The following FARS2 variants were observed in gnomAD, a reference collection of about 807,000 sequenced individuals.
The protein encoded by FARS2 is phenylalanine--tRNA ligase, mitochondrial.
In FARS2, 40 loss-of-function variants were observed where a neutral mutation model predicts 46.4. That is an observed-to-expected ratio of 0.86 (90% CI 0.67 to 1.12). FARS2 has a LOEUF of 1.12. Ranked by LOEUF, FARS2 falls within the 50% of genes most tolerant of loss-of-function variation. The probability of loss-of-function intolerance (pLI) is 0.00; values close to 1 mark genes in which losing one functional copy is unlikely to be tolerated. For synonymous variants in FARS2, 234 were observed against 214.9 expected, an observed-to-expected ratio of 1.09 and a Z score of -0.78; for missense variants, 513 against 567.9, an observed-to-expected ratio of 0.90 and a Z score of 0.98.
chr6:5,461,536 C>T (rs1409757038), intron 4 of FARS2, among the ~76,000 whole-genome samples: 1 of 152,160 alleles, frequency 6.6e-6, no homozygotes, highest in African/African-American at 2.4e-5. Context: ...TCCTGACTCT[C>T]TGCCAGCCCC....
At chr6:5,307,767 G>A (rs1178595605) in intron 1 of FARS2, among the ~76,000 whole-genome samples, 1 of 151,980 alleles carries the variant, frequency 6.6e-6, no homozygotes, top group Non-Finnish European at 1.5e-5. Flanking sequence ...TGAAGTTGTA[G>A]TGGTTAGAAA....
At chr6:5,264,296 C>T (rs921298706) in intron 1 of FARS2, among the ~76,000 whole-genome samples, 20 of 152,210 alleles carry the variant, frequency 1.3e-4, no homozygotes, top group Non-Finnish European at 2.5e-4. Context: ...TTCTATTCTA[C>T]ACCACACATG....
chr6:5,430,540 C>A (rs952583109), intron 3 of FARS2, among the ~76,000 whole-genome samples: 1 of 151,548 alleles, frequency 6.6e-6, no homozygotes, highest in Non-Finnish European at 1.5e-5. Flanking sequence ...TTTAATCTGA[C>A]TTTTTATTAG....
At chr6:5,686,559 T>G (rs1364308940) in intron 6 of FARS2, among the ~76,000 whole-genome samples, 1 of 152,242 alleles carries the variant, frequency 6.6e-6, no homozygotes, top group Non-Finnish European at 1.5e-5. Flanking sequence ...TGCATAGTAT[T>G]CCATGGTATA....
intron 1 of FARS2, among the ~76,000 whole-genome samples, chr6:5,269,921 T>C (rs985058004): frequency 6.6e-6 from 1 of 152,238 alleles, no homozygotes. Flanking sequence ...ATTTATTTTC[T>C]GAGCACAATT....
At chr6:5,655,131 G>A (rs1049013227) in intron 6 of FARS2, among the ~76,000 whole-genome samples, 4 of 152,176 alleles carry the variant, frequency 2.6e-5, no homozygotes, top group Non-Finnish European at 5.9e-5. Context: ...GACTGGGTGA[G>A]GGGTTGGTGG....
chr6:5,433,483 T>C (rs1176534711), intron 4 of FARS2, among the ~76,000 whole-genome samples: 1 of 152,236 alleles, frequency 6.6e-6, no homozygotes, highest in Admixed American at 6.5e-5. Flanking sequence ...ATTTGTTACC[T>C]CTTTGACCTG....
chr6:5,320,762 T>A (rs2127563588), intron 1 of FARS2, among the ~76,000 whole-genome samples: 1 of 152,330 alleles, frequency 6.6e-6, no homozygotes, highest in South Asian at 2.1e-4. Context: ...TGAGTGGCTT[T>A]TGAACAACAG....
chr6:5,491,621 C>T (rs6917076), intron 4 of FARS2, among the ~76,000 whole-genome samples: 7 of 152,298 alleles, frequency 4.6e-5, no homozygotes, highest in Admixed American at 2.0e-4. Context: ...AGTCCTTCCC[C>T]GAAAGATATG....
chr6:5,342,539 G>A (rs1394132205), intron 1 of FARS2, among the ~76,000 whole-genome samples: 1 of 152,050 alleles, frequency 6.6e-6, no homozygotes, highest in African/African-American at 2.4e-5. Context: ...GATCACCTGA[G>A]GTCGGGAGTT....
intron 1 of FARS2, among the ~76,000 whole-genome samples, chr6:5,283,171 G>A (rs1766861331): frequency 6.6e-6 from 1 of 152,048 alleles, no homozygotes; most frequent in Admixed American, 6.6e-5. Context: ...TCAGAAGTTT[G>A]AGACCAGCCT....
chr6:5,448,893 G>A (rs1764325444), intron 4 of FARS2, among the ~76,000 whole-genome samples: 1 of 152,186 alleles, frequency 6.6e-6, no homozygotes, highest in African/African-American at 2.4e-5. Flanking sequence ...CATTTCACAA[G>A]ATGGAGACAG....
intron 5 of FARS2, among the ~76,000 whole-genome samples, chr6:5,576,705 G>A (rs1773006032): frequency 6.7e-6 from 1 of 150,276 alleles, no homozygotes; most frequent in Non-Finnish European, 1.5e-5. Flanking sequence ...CTTTTATAAG[G>A]AAGAGCTTTT....
chr6:5,355,582 C>T (rs1757866117), intron 1 of FARS2, among the ~76,000 whole-genome samples: 1 of 151,908 alleles, frequency 6.6e-6, no homozygotes, highest in Non-Finnish European at 1.5e-5. Flanking sequence ...TGGTCTTGAA[C>T]TCCTGACCTT....
At chr6:5,306,652 C>G (rs1697123675) in intron 1 of FARS2, among the ~76,000 whole-genome samples, 1 of 152,092 alleles carries the variant, frequency 6.6e-6, no homozygotes, top group South Asian at 2.1e-4. Context: ...CCAGTGTGTC[C>G]CAGTATGTAA....
At chr6:5,608,284 A>G (rs578218962) in intron 5 of FARS2, among the ~76,000 whole-genome samples, 4 of 152,284 alleles carry the variant, frequency 2.6e-5, no homozygotes, top group South Asian at 2.1e-4. Flanking sequence ...TTGGGATCAC[A>G]CATTTTTGCC....
chr6:5,256,490 GGAAAAAAAAAAAAAAAAAAAAAAAAAAA>G (rs1440804181), upstream of FARS2, among the ~76,000 whole-genome samples: 2 of 37,520 alleles, frequency 5.3e-5, no homozygotes, highest in Non-Finnish European at 1.1e-4. Context: ...GATTTCAACT[GGAAAAAAAAAAAAAAAAAAAAAAAAAAA>G]AAAAAAAAAA....
chr6:5,757,186 A>G (rs1307513202), intron 6 of FARS2, among the ~76,000 whole-genome samples: 1 of 151,854 alleles, frequency 6.6e-6, no homozygotes, highest in East Asian at 1.9e-4. Context: ...TTTCTTTTGA[A>G]GTAAGAAAAT....
chr6:5,626,988 G>A (rs73360263), intron 6 of FARS2, among the ~76,000 whole-genome samples: 1,787 of 152,300 alleles, frequency 0.012, 43 homozygotes, highest in African/African-American at 0.042. Context: ...ACAATGTTAA[G>A]TACAGTATCT....
Sources: gnomAD v4.1 joint callset for allele counts (sites outside exome capture counted in the v4.1 genomes callset) on GRCh38, gnomAD v4.1.1 for gene constraint, MANE v1.5 for transcripts, NCBI Gene and HGNC (gene_info 2026-07-23, HGNC 2026-07-21) for gene names.